The following SP140 variants were observed in gnomAD, a reference collection of about 807,000 sequenced individuals.
The protein encoded by SP140 is SP140 nuclear body protein.
Under a neutral mutation model 125.0 loss-of-function variants are expected in SP140, and 81 were observed. The ratio of observed to expected loss-of-function variants is 0.65; its 90% CI spans 0.54 to 0.78. The LOEUF (loss-of-function observed/expected upper bound fraction) is 0.78, where lower values mean the gene tolerates loss of function less well. Among genes scored for constraint, SP140 ranks in the 30% least tolerant of loss-of-function variants. The pLI is 0.00. For missense variants in SP140, 858 were observed against 1,037.0 expected (o/e 0.83, Z 2.37); for synonymous variants, 312 against 354.0 (o/e 0.88, Z 1.33).
chr2:230,244,868 A>G, intron 5 of SP140, 120 bp from the exon 6 acceptor site: 1 of 642,444 alleles, frequency 1.6e-6, no homozygotes, highest in Non-Finnish European at 2.8e-6. Flanking sequence ...GGCTCAGGCG[A>G]GGTCCTTGGA....
rs763120806 is a variant in SP140, at chr2:230,253,322, G to C, written c.1064G>C (p.Cys355Ser). 13 of 1,609,162 alleles carry C rather than the reference G, an allele frequency of 8.1e-6. No individual in the cohort carries two copies. Among genetic ancestry groups the C allele is most frequent in the Non-Finnish European group, 9.4e-6 (11 of 1,175,772 alleles). The change falls in exon 11 of 27, where the codon TGT becomes TCT. Residue 355 changes from cysteine (C) to serine (S), a missense_variant. By Grantham distance (112) the Cys-to-Ser change is moderately radical. This residue lies in a region of SP140 where 791 missense variants were observed against 869.5 expected (regional missense o/e 0.91). Transcript: ENST00000392045. ...SSLARCGSVS[C>S]LSAETFDLKT... is the part of the protein sequence containing the mutation. ...ACCCTCTGTGGTCTGTCAGTTTCTT[G>C]TTTATCTGCAGAGACCTTTGATCTA...
intron 1 of SP140, chr2:230,212,733 C>G (rs1351085072): frequency 2.5e-5 from 40 of 1,613,394 alleles, no homozygotes; most frequent in Non-Finnish European, 3.3e-5. Flanking sequence ...TGAGGATATA[C>G]AGGTGTTGGA....
intron 1 of SP140, 91 bp from the exon 2 acceptor site, chr2:230,236,992 A>C (rs369386341): frequency 5.4e-6 from 5 of 918,168 alleles, no homozygotes; most frequent in Non-Finnish European, 8.0e-6. Flanking sequence ...TTGGCTCTCC[A>C]TTGGCCATCC....
chr2:230,259,515 TAA>T (rs71049699), intron 12 of SP140, among the ~76,000 whole-genome samples: 37 of 142,458 alleles, frequency 2.6e-4, no homozygotes, highest in Admixed American at 4.2e-4. Flanking sequence ...CCGCCTCCGC[TAA>T]AAAAAAAAAA....
the SP140 span, among the ~76,000 whole-genome samples, chr2:230,188,950 G>C: frequency 6.6e-6 from 1 of 151,990 alleles, no homozygotes; most frequent in African/African-American, 2.4e-5. Flanking sequence ...TATGTCTCCA[G>C]GAATTTATTT....
rs562438687 is a variant in SP140, at chr2:230,240,457, T to C, written c.407-947T>C. Among the ~76,000 whole-genome samples, 11 of 152,238 alleles carry C rather than the reference T, an allele frequency of 7.2e-5. No homozygotes were observed. The South Asian group carries it at 1.2e-3, about 17-fold the overall frequency. Reference sequence around the variant, plus strand: ...ACTCACAAAATATGAAGAACTCCTATAAATGAATAATAAAAGGACACATCA... The same window carrying C: ...ACTCACAAAATATGAAGAACTCCTACAAATGAATAATAAAAGGACACATCA... On this transcript the variant is annotated intron_variant, in intron 3 of 26. Coordinates refer to ENST00000392045, the MANE Select transcript of SP140 (RefSeq NM_007237.5).
rs376030499 is a variant in SP140 at position 230,248,075 on chromosome 2, G to C, written c.892+10G>C. 1.1e-4 allele frequency: 177 copies of C among 1,612,342 alleles called. No homozygotes were observed. Among genetic ancestry groups the C allele is most frequent in the Non-Finnish European group, 1.5e-4 (171 of 1,179,264 alleles). On this transcript the variant is annotated intron_variant, in intron 8 of 26. Transcript: ENST00000392045. Reference sequence around the variant, plus strand: ...GAGGGAAGAGACAAAGGTAGGAACAGAAGAAGCAGAGACATGTGTCAAGGG... The same window carrying C: ...GAGGGAAGAGACAAAGGTAGGAACACAAGAAGCAGAGACATGTGTCAAGGG...
At chr2:230,256,528 T>TG (rs368617020) in intron 12 of SP140, among the ~76,000 whole-genome samples, 8,966 of 38,846 alleles carry the variant, frequency 0.23, 441 homozygotes, top group Middle Eastern at 0.46. Flanking sequence ...TATTGTGGGG[T>TG]GGGGGAGGGG....
chr2:230,221,577 C>A, upstream of SP140: 1 of 960,554 alleles, frequency 1.0e-6, no homozygotes, highest in Non-Finnish European at 1.6e-6. Context: ...AGGAAAAATT[C>A]AATGCTAACA....
chr2:230,198,670 C>T (rs2042987746), upstream of SP140, among the ~76,000 whole-genome samples: 2 of 152,102 alleles, frequency 1.3e-5, no homozygotes, highest in South Asian at 4.1e-4. Flanking sequence ...TCTTGGCTCA[C>T]TGCAACCTCT....
chr2:230,247,305 G>A (rs1320853877), intron 7 of SP140, among the ~76,000 whole-genome samples: 1 of 152,068 alleles, frequency 6.6e-6, no homozygotes, highest in Non-Finnish European at 1.5e-5. Flanking sequence ...ACACAGATCT[G>A]ACTCCTCTCC....
At chr2:230,282,718 G>C (rs1415833961) in intron 15 of SP140, among the ~76,000 whole-genome samples, 2 of 152,234 alleles carry the variant, frequency 1.3e-5, no homozygotes, top group Non-Finnish European at 2.9e-5. Context: ...AAGTCCTTAT[G>C]TGAGGGAGGC....
rs182270307 is a variant in SP140 at position 230,278,482 on chromosome 2, T to G, written c.1499-5864T>G. 4.5e-4 allele frequency among the ~76,000 whole-genome samples: 68 copies of G among 152,244 alleles called. No homozygotes were observed. In the East Asian group the frequency reaches 0.011, roughly 25 times the overall value. On this transcript the variant is annotated intron_variant, in intron 15 of 26. Transcript: ENST00000392045. ...TCATTTTTACAATTATTTCATTTGC[T>G]GTACAAAAGCTTTTTAGAGTGATGT...
intron 1 of SP140, among the ~76,000 whole-genome samples, chr2:230,204,510 TATG>T (rs2043542175): frequency 6.6e-6 from 1 of 152,214 alleles, no homozygotes; most frequent in Non-Finnish European, 1.5e-5. Flanking sequence ...CCATAATGTC[TATG>T]ACCCCTTTTC....
chr2:230,273,479 C>T (rs2054238369), intron 15 of SP140, among the ~76,000 whole-genome samples: 1 of 152,180 alleles, frequency 6.6e-6, no homozygotes, highest in South Asian at 2.1e-4. Context: ...AAAAGGAATG[C>T]TTATACACAC....
intron 22 of SP140, 150 bp from the exon 23 acceptor site, chr2:230,309,774 T>C: frequency 1.4e-6 from 1 of 720,956 alleles, no homozygotes; most frequent in Non-Finnish European, 2.3e-6. Flanking sequence ...TTCTGAAATC[T>C]CCATGCCATG....
intron 15 of SP140, among the ~76,000 whole-genome samples, chr2:230,282,667 C>T (rs1341807610): frequency 6.6e-6 from 1 of 152,184 alleles, no homozygotes; most frequent in Admixed American, 6.5e-5. Context: ...ATTTCATAAA[C>T]TGTAAACGAT....
intron 22 of SP140, among the ~76,000 whole-genome samples, chr2:230,306,786 T>G (rs1269740687): frequency 2.6e-5 from 4 of 152,108 alleles, no homozygotes; most frequent in Admixed American, 1.3e-4. Context: ...AGCTCAGCAC[T>G]GGCCTGCAGG....
Position 230,248,985 on chromosome 2 carries a change from T to C in SP140, c.976+17T>C. 6.3e-7 allele frequency: 1 copy of C among 1,581,604 alleles called. No homozygotes were observed. ...AAGGAGAAGGTAATTATGATTTAAG[T>C]TTTTAAATATTTGAGTACATCTTTG... On this transcript the variant is annotated intron_variant, in intron 9 of 26. Coordinates refer to ENST00000392045, the MANE Select transcript of SP140 (RefSeq NM_007237.5).
Sources: gnomAD v4.1 joint callset for allele counts (sites outside exome capture counted in the v4.1 genomes callset) on GRCh38, gnomAD v4.1.1 for gene constraint, gnomAD v4.1.1 regional missense constraint, MANE v1.5 for transcripts, NCBI Gene and HGNC (gene_info 2026-07-23, HGNC 2026-07-21) for gene names.